ZFYVE21: variants seen among roughly 807,000 people sequenced by gnomAD.
ZFYVE21 encodes the protein zinc finger FYVE domain-containing protein 21.
A neutral mutation model predicts 29.5 loss-of-function variants in ZFYVE21; 21 were observed. The observed-to-expected ratio is 0.71, with a 90% CI of 0.50 to 1.02. The LOEUF is 1.02. Among genes scored for constraint, ZFYVE21 ranks in the 50% least tolerant of loss-of-function variants. The pLI is 0.00. For missense variants in ZFYVE21, 326 were observed against 335.4 expected, an observed-to-expected ratio of 0.97 and a Z score of 0.22; for synonymous variants, 151 against 133.8, an observed-to-expected ratio of 1.13 and a Z score of -0.89.
chr14:103,719,448 C>G (rs1287310300), intron 1 of ZFYVE21, among the ~76,000 whole-genome samples: 1 of 143,106 alleles, frequency 7.0e-6, no homozygotes, highest in Non-Finnish European at 1.5e-5. Flanking sequence ...GAGCAAGACT[C>G]TGTCTCAAAA....
chr14:103,727,386 C>T, intron 2 of ZFYVE21: 2 of 392,898 alleles, frequency 5.1e-6, no homozygotes, highest in Non-Finnish European at 5.0e-6. Context: ...GCCCCCTCCG[C>T]CCCGTCCCCG....
chr14:103,717,459 C>T (rs2083836866), intron 1 of ZFYVE21, among the ~76,000 whole-genome samples: 1 of 152,252 alleles, frequency 6.6e-6, no homozygotes, highest in African/African-American at 2.4e-5. Flanking sequence ...CTGCTGTACA[C>T]ATGCACTGAT....
chr14:103,733,291 A>C lies in ZFYVE21; in HGVS notation c.*273A>C. ...GACTGAGCTACACTACTGCTAAACT[A>C]TTTTTAGCATAATATATACCATTTT... On this transcript the variant is annotated 3_prime_UTR_variant, in exon 7 of 7. Coordinates refer to ENST00000311141, the MANE Select transcript of ZFYVE21 (RefSeq NM_024071.4). The C allele has an allele frequency of 2.3e-6, 1 of 434,254 alleles. No individual in the cohort carries two copies. Among genetic ancestry groups the C allele is most frequent in the Non-Finnish European group, 4.2e-6 (1 of 240,696 alleles). The allele number at this position is 434,254 out of a possible 1,614,324, so 26.9% of individuals were successfully genotyped here. A position where few individuals can be genotyped will look rare whatever the true frequency, so the allele number is the denominator to read the frequency against.
At chr14:103,732,428 T>G in intron 5 of ZFYVE21, 192 bp from the exon 6 acceptor site, 87 of 566,550 alleles carry the variant, frequency 1.5e-4, no homozygotes, top group Non-Finnish European at 1.9e-4. Context: ...ACCCCACCTG[T>G]GAGCTTGGGG....
intron 5 of ZFYVE21, chr14:103,731,620 A>G (rs1237643115): frequency 6.6e-6 from 1 of 152,216 alleles, no homozygotes; most frequent in Non-Finnish European, 1.5e-5. Flanking sequence ...GAAAAAAAAA[A>G]TGTGGTTCCG....
At chr14:103,731,097 G>T (rs1408631201) in intron 5 of ZFYVE21, 1 of 152,344 alleles carries the variant, frequency 6.6e-6, no homozygotes, top group Non-Finnish European at 1.5e-5. Flanking sequence ...ATCACCTGAG[G>T]TCAGGAGTTC....
In ZFYVE21 at chr14:103,716,586, C is replaced by T. The variant is rs982825161; in HGVS notation, c.138+607C>T. ...CCCCCGTTTCCCTTCGTCTATACCACCCTCCACCTCGGAAGCGAGGTCGCA... is the reference window on the plus strand; with the variant it reads ...CCCCCGTTTCCCTTCGTCTATACCATCCTCCACCTCGGAAGCGAGGTCGCA... On this transcript the variant is annotated intron_variant, in intron 1 of 6. Coordinates refer to ENST00000311141, the MANE Select transcript of ZFYVE21 (RefSeq NM_024071.4). The surrounding 1 kb of genome is among the most constrained non-coding windows in gnomAD (Gnocchi z 4.8). Among the ~76,000 whole-genome samples the T allele has an allele frequency of 1.3e-5, 2 of 152,234 alleles. No homozygotes were observed. The highest frequency in any genetic ancestry group is 2.9e-5 in the Non-Finnish European group (2 of 68,046).
rs1446697430 is a variant in ZFYVE21, at chr14:103,716,437, G to T, written c.138+458G>T. ...TGCTGTCCGCGGAAGCGCTGGAGCT[G>T]GCGGCCCCGCAGGGGTCCCTCCCGG... is the stretch of plus-strand genomic sequence containing the variant. On this transcript the variant is annotated intron_variant, in intron 1 of 6. Transcript: ENST00000311141. This position sits in a 1 kb window ranked among gnomAD's most constrained non-coding sequence, Gnocchi z 4.8. Among the ~76,000 whole-genome samples, 1 of 152,122 alleles carries T rather than the reference G, an allele frequency of 6.6e-6. No individual in the cohort carries two copies. The highest frequency in any genetic ancestry group is 1.5e-5 in the Non-Finnish European group (1 of 67,990).
intron 1 of ZFYVE21, among the ~76,000 whole-genome samples, chr14:103,720,199 C>T (rs1007567000): frequency 1.3e-5 from 2 of 152,240 alleles, no homozygotes; most frequent in Non-Finnish European, 2.9e-5. Context: ...GTATCCATGT[C>T]TGCTCTTTGG....
chr14:103,729,334 C>A, intron 5 of ZFYVE21, 152 bp downstream of exon 5: 1 of 703,626 alleles, frequency 1.4e-6, no homozygotes, highest in Non-Finnish European at 2.3e-6. Context: ...TTTCGCGGGG[C>A]GTGTATTTAC....
In ZFYVE21 at chr14:103,733,252, TTGGG is replaced by T; in HGVS notation, c.*235_*238del. 1 of 555,228 alleles carries T rather than the reference TTGGG, an allele frequency of 1.8e-6. No homozygotes were observed. Among genetic ancestry groups the T allele is most frequent in the Non-Finnish European group, 3.2e-6 (1 of 315,888 alleles). 34.4% of individuals were successfully genotyped at this position (555,228 alleles called of 1,614,324 possible). A position where few individuals can be genotyped will look rare whatever the true frequency, so the allele number is the denominator to read the frequency against. On this transcript the variant is annotated 3_prime_UTR_variant, in exon 7 of 7. Transcript: ENST00000311141. ...GAATTTGTGTATTGTCAATACTTAA[TTGGG>T]GGTGGGAGAGACTGAGCTACACTAC...
intron 2 of ZFYVE21, 165 bp from the exon 3 acceptor site, chr14:103,727,581 G>C (rs913106496): frequency 1.2e-6 from 1 of 844,002 alleles, no homozygotes; most frequent in Admixed American, 2.0e-5. Context: ...CCCGCTGCGT[G>C]GTGGGGAGCC....
At position 103,715,966 on chromosome 14, in the gene ZFYVE21, TC is replaced by T; in HGVS notation, c.128del (p.Pro43ArgfsTer76). ...TTCGGCCTGGAGGAGCCGCAGTGGGTCCCGGACAAGGAGGTGGGTGGCCGTC... is the reference window on the plus strand; with the variant it reads ...TTCGGCCTGGAGGAGCCGCAGTGGGTCCGGACAAGGAGGTGGGTGGCCGTC... ...SPFGLEEPQW[V>X]PDKECRRCMQ... On this transcript the variant is annotated frameshift_variant, in exon 1 of 7. Transcript: ENST00000311141. LOFTEE classifies it high-confidence loss of function. 7.3e-7 allele frequency: 1 copy of T among 1,367,022 alleles called. No individual in the cohort carries two copies. The allele number at this position is 1,367,022 out of a possible 1,614,324, so 84.7% of individuals were successfully genotyped here.
chr14:103,722,750 C>T (rs1213701015), intron 1 of ZFYVE21, among the ~76,000 whole-genome samples: 1 of 151,522 alleles, frequency 6.6e-6, no homozygotes. Flanking sequence ...ACCCGGGAGG[C>T]GGAGCTTGCA....
intron 1 of ZFYVE21, among the ~76,000 whole-genome samples, chr14:103,718,779 G>A (rs531270628): frequency 6.6e-6 from 1 of 152,336 alleles, no homozygotes; most frequent in African/African-American, 2.4e-5. Flanking sequence ...CCCATCCGTG[G>A]TGCTGGCAGA....
At chr14:103,719,305 C>A (rs1040132667) in intron 1 of ZFYVE21, among the ~76,000 whole-genome samples, 3 of 151,590 alleles carry the variant, frequency 2.0e-5, no homozygotes, top group Admixed American at 6.6e-5. Flanking sequence ...AATAAAAATT[C>A]AAAAATTAGT....
At position 103,728,951 on chromosome 14, in the gene ZFYVE21, A is replaced by G; in HGVS notation, c.402A>G (p.Glu134=). The change falls in exon 4 of 7, where the codon GAA becomes GAG. Residue 134 remains glutamate, a synonymous_variant. Transcript: ENST00000311141. ...LVTFGNSEKP[E]TMTCRLSNNQ... Reference sequence around the variant, plus strand: ...CGTTTGGAAACTCAGAGAAACCTGAAACTATGACTTGTCGTCTTTCCAATA... The same window carrying G: ...CGTTTGGAAACTCAGAGAAACCTGAGACTATGACTTGTCGTCTTTCCAATA... The G allele has an allele frequency of 6.2e-7, 1 of 1,614,062 alleles. No homozygotes were observed. Among genetic ancestry groups the G allele is most frequent in the South Asian group, 1.1e-5 (1 of 91,082 alleles).
chr14:103,718,999 G>T (rs1324359468), intron 1 of ZFYVE21, among the ~76,000 whole-genome samples: 1 of 152,340 alleles, frequency 6.6e-6, no homozygotes, highest in East Asian at 1.9e-4. Context: ...CACAGGCCAG[G>T]CCGGACAGGG....
chr14:103,727,565 C>T (rs1301552154), intron 2 of ZFYVE21, 181 bp from the exon 3 acceptor site: 4 of 768,550 alleles, frequency 5.2e-6, no homozygotes, highest in Admixed American at 2.0e-5. Context: ...CCAGGTGAGG[C>T]GGATCCCCGC....
Sources: allele counts gnomAD v4.1 joint callset (sites outside exome capture counted in the v4.1 genomes callset), GRCh38; gene constraint gnomAD v4.1.1; non-coding constraint Gnocchi (gnomAD v3.1); transcripts MANE v1.5; gene names NCBI Gene and HGNC (gene_info 2026-07-23, HGNC 2026-07-21).